Variants in GIGYF2 observed in about 807,000 individuals in gnomAD.
GIGYF2 encodes GRB10 interacting GYF protein 2, also known as GRB10-interacting GYF protein 2.
In GIGYF2, 25 loss-of-function variants were observed where a neutral mutation model predicts 208.1. That is an observed-to-expected ratio of 0.12 (90% confidence interval 0.09 to 0.17). The LOEUF (loss-of-function observed/expected upper bound fraction) is 0.17. Ranked by LOEUF, GIGYF2 falls within the 10% of genes least tolerant of loss-of-function variation. GIGYF2 has a pLI of 1.00. For synonymous variants in GIGYF2, 534 were observed against 543.8 expected (o/e 0.98, Z 0.25); for missense variants, 1,302 against 1,579.4 (o/e 0.82, Z 2.98).
At chr2:232,772,337 G>T (rs1011389794) in intron 8 of GIGYF2, among the ~76,000 whole-genome samples, 19 of 152,130 alleles carry the variant, frequency 1.2e-4, no homozygotes, top group African/African-American at 4.3e-4. Context: ...TGATTAGATT[G>T]GGGGGTAGAA....
intron 2 of GIGYF2, among the ~76,000 whole-genome samples, chr2:232,723,698 G>A (rs1181275632): frequency 1.4e-5 from 2 of 143,350 alleles, no homozygotes; most frequent in Non-Finnish European, 3.0e-5. Flanking sequence ...AAAGTGCTGG[G>A]ATTACAGGTG....
intron 8 of GIGYF2, chr2:232,770,846 A>T: frequency 8.4e-7 from 1 of 1,191,604 alleles, no homozygotes; most frequent in Non-Finnish European, 1.2e-6. Context: ...AAACACCTGT[A>T]GTTTTGTTTT....
intron 2 of GIGYF2, among the ~76,000 whole-genome samples, chr2:232,704,059 A>C (rs554443308): frequency 6.6e-6 from 1 of 152,280 alleles, no homozygotes; most frequent in Admixed American, 6.5e-5. Flanking sequence ...GGGAGGGGGA[A>C]ATTTGGCTGG....
intron 3 of GIGYF2, among the ~76,000 whole-genome samples, chr2:232,739,987 G>A (rs1238760190): frequency 6.6e-6 from 1 of 151,220 alleles, no homozygotes; most frequent in African/African-American, 2.4e-5. Context: ...GCATGGTGGT[G>A]TGTGCCTGTA....
At chr2:232,784,749 A>C (rs1265353650) in intron 8 of GIGYF2, among the ~76,000 whole-genome samples, 1 of 152,208 alleles carries the variant, frequency 6.6e-6, no homozygotes, top group Non-Finnish European at 1.5e-5. Flanking sequence ...CAATAGATTT[A>C]GATTATGACT....
At chr2:232,737,907 CTTTTTTTTTTTTTTT>C (rs11320395) in intron 3 of GIGYF2, among the ~76,000 whole-genome samples, 1 of 85,222 alleles carries the variant, frequency 1.2e-5, no homozygotes, top group Non-Finnish European at 2.2e-5. Flanking sequence ...TAAGCTTTAA[CTTTTTTTTTTTTTTT>C]TTTTTTTTGA....
intron 14 of GIGYF2, among the ~76,000 whole-genome samples, chr2:232,801,012 G>T (rs1700381613): frequency 6.6e-6 from 1 of 151,928 alleles, no homozygotes; most frequent in South Asian, 2.1e-4. Flanking sequence ...CAAGTAGGTG[G>T]GATTACAGGC....
intron 2 of GIGYF2, among the ~76,000 whole-genome samples, chr2:232,727,034 A>G (rs955374892): frequency 6.6e-6 from 1 of 152,148 alleles, no homozygotes; most frequent in African/African-American, 2.4e-5. Context: ...GCACGATGTC[A>G]GCTCACTGTA....
At chr2:232,760,730 G>A in intron 7 of GIGYF2, 139 bp downstream of exon 7, 1 of 632,082 alleles carries the variant, frequency 1.6e-6, no homozygotes, top group East Asian at 2.8e-5. Flanking sequence ...ACATCAAGTT[G>A]TACATTAGAA....
At chr2:232,820,363 G>A (rs1701041579) in intron 21 of GIGYF2, among the ~76,000 whole-genome samples, 1 of 144,708 alleles carries the variant, frequency 6.9e-6, no homozygotes, top group Non-Finnish European at 1.5e-5. Flanking sequence ...CGCCCAGGCT[G>A]GAGTGCAGTG....
intron 3 of GIGYF2, among the ~76,000 whole-genome samples, chr2:232,744,849 G>C (rs893876430): frequency 6.6e-6 from 1 of 152,082 alleles, no homozygotes; most frequent in Admixed American, 6.6e-5. Flanking sequence ...GGTCTTTTTA[G>C]TAATAAAAAC....
chr2:232,761,308 C>T lies in GIGYF2; in HGVS notation c.492-88C>T, dbSNP rs968764249. The T allele has an allele frequency of 8.4e-6, 7 of 833,404 alleles. No individual in the cohort carries two copies. The African/African-American group carries it at 1.0e-4, about 12-fold the overall frequency. The allele number at this position is 833,404 out of a possible 1,614,324, so 51.6% of individuals were successfully genotyped here. ...TGTTTTGTAATTTGAAGAAGAAATG[C>T]TTTTAGAAAAATGGGAAAGTGAGTG... is the stretch of plus-strand genomic sequence containing the variant. On this transcript the variant is annotated intron_variant, in intron 7 of 28. Transcript: ENST00000373563.
intron 22 of GIGYF2, among the ~76,000 whole-genome samples, chr2:232,833,422 A>T (rs972029470): frequency 2.6e-5 from 4 of 152,154 alleles, no homozygotes; most frequent in African/African-American, 9.7e-5. Flanking sequence ...GTGTTTCACC[A>T]TGTTGCCCAG....
intron 2 of GIGYF2, among the ~76,000 whole-genome samples, chr2:232,727,912 G>A (rs1480696561): frequency 2.0e-5 from 3 of 152,040 alleles, no homozygotes; most frequent in African/African-American, 4.8e-5. Flanking sequence ...CCCCAAATTC[G>A]TTTTTCTGTT....
chr2:232,755,359 C>G (rs1380975787), intron 5 of GIGYF2, among the ~76,000 whole-genome samples: 1 of 152,062 alleles, frequency 6.6e-6, no homozygotes, highest in Non-Finnish European at 1.5e-5. Flanking sequence ...TCAGTAGAGA[C>G]AGGGTTTCAC....
At chr2:232,802,019 T>G (rs918704970) in intron 14 of GIGYF2, among the ~76,000 whole-genome samples, 1 of 152,226 alleles carries the variant, frequency 6.6e-6, no homozygotes, top group African/African-American at 2.4e-5. Context: ...ATGTATTCTT[T>G]TTGATGTTAT....
At chr2:232,821,316 C>T (rs1701074624) in intron 21 of GIGYF2, among the ~76,000 whole-genome samples, 2 of 152,326 alleles carry the variant, frequency 1.3e-5, no homozygotes, top group African/African-American at 2.4e-5. Flanking sequence ...AGTTCTGCCT[C>T]AGCCTCCCGA....
intron 8 of GIGYF2, among the ~76,000 whole-genome samples, chr2:232,769,944 G>A (rs1305572787): frequency 6.6e-6 from 1 of 152,086 alleles, no homozygotes; most frequent in African/African-American, 2.4e-5. Flanking sequence ...TATGATTTCT[G>A]TTTGAATCAA....
At chr2:232,701,668 C>A (rs1695850186) in intron 1 of GIGYF2, among the ~76,000 whole-genome samples, 1 of 151,886 alleles carries the variant, frequency 6.6e-6, no homozygotes, top group Non-Finnish European at 1.5e-5. Flanking sequence ...AAGTGATACT[C>A]CCGCTTCAGC....
Sources: gnomAD v4.1 joint callset for allele counts (sites outside exome capture counted in the v4.1 genomes callset) on GRCh38, gnomAD v4.1.1 for gene constraint, MANE v1.5 for transcripts, NCBI Gene and HGNC (gene_info 2026-07-23, HGNC 2026-07-21) for gene names.